Variants in DAB1 observed in about 807,000 individuals in gnomAD.
The protein encoded by DAB1 is DAB adaptor protein 1.
Under a neutral mutation model 64.6 loss-of-function variants are expected in DAB1, and 15 were observed. The ratio of observed to expected loss-of-function variants is 0.23; its 90% CI spans 0.16 to 0.36. The LOEUF (loss-of-function observed/expected upper bound fraction) is 0.36. DAB1 is among the 10% of genes least tolerant of loss of function. The probability of loss-of-function intolerance (pLI) is 1.00; values close to 1 mark genes in which losing one functional copy is unlikely to be tolerated. For missense variants in DAB1, 596 were observed against 706.7 expected (o/e 0.84, Z 1.78); for synonymous variants, 235 against 251.9 (o/e 0.93, Z 0.64).
intron 3 of DAB1, among the ~76,000 whole-genome samples, chr1:58,408,346 A>G (rs1644636961): frequency 6.6e-6 from 1 of 152,196 alleles, no homozygotes; most frequent in Non-Finnish European, 1.5e-5. Flanking sequence ...TTCCCTGAAC[A>G]TTCTGTCTAG....
intron 5 of DAB1, among the ~76,000 whole-genome samples, chr1:57,970,277 G>T (rs931609576): frequency 6.6e-6 from 1 of 152,142 alleles, no homozygotes; most frequent in Non-Finnish European, 1.5e-5. Flanking sequence ...AAGAAAAATG[G>T]ATCTCACCTA....
chr1:58,463,111 C>T (rs974790743), intron 3 of DAB1, among the ~76,000 whole-genome samples: 3 of 152,190 alleles, frequency 2.0e-5, no homozygotes, highest in African/African-American at 7.2e-5. Flanking sequence ...AGTCTAAGAA[C>T]AGTGTATTCC....
upstream of DAB1, among the ~76,000 whole-genome samples, chr1:57,886,935 G>A (rs1197778417): frequency 1.3e-5 from 2 of 152,150 alleles, no homozygotes; most frequent in African/African-American, 4.8e-5. Context: ...GTTGGCAAAT[G>A]GTAAGTTTGG....
intron 4 of DAB1, among the ~76,000 whole-genome samples, chr1:58,209,845 T>C (rs1008510187): frequency 2.6e-5 from 4 of 152,124 alleles, no homozygotes; most frequent in Admixed American, 2.6e-4. Flanking sequence ...GATAAAAAAT[T>C]GATATGCAGA....
chr1:58,286,294 C>A (rs1661680579), intron 4 of DAB1, among the ~76,000 whole-genome samples: 1 of 152,066 alleles, frequency 6.6e-6, no homozygotes. Flanking sequence ...GCAATTGCAA[C>A]AAAAGCAAAA....
chr1:58,458,668 G>A (rs1569827032), intron 3 of DAB1, among the ~76,000 whole-genome samples: 1 of 152,152 alleles, frequency 6.6e-6, no homozygotes, highest in South Asian at 2.1e-4. Flanking sequence ...GCTGGGCATG[G>A]TGGTGCATGC....
chr1:58,478,442 C>A (rs1023051157), intron 3 of DAB1, among the ~76,000 whole-genome samples: 2 of 152,108 alleles, frequency 1.3e-5, no homozygotes, highest in African/African-American at 4.8e-5. Flanking sequence ...CAGCTCTAGA[C>A]TTTGTGTTAA....
chr1:58,332,362 T>C (rs534128237), intron 4 of DAB1, among the ~76,000 whole-genome samples: 1 of 152,290 alleles, frequency 6.6e-6, no homozygotes, highest in Non-Finnish European at 1.5e-5. Flanking sequence ...GTTTCCTTCT[T>C]CAGGCAGCGT....
intron 7 of DAB1, among the ~76,000 whole-genome samples, chr1:57,630,079 T>C (rs1645970012): frequency 3.9e-5 from 6 of 152,166 alleles, no homozygotes. Context: ...GCTTTGATAA[T>C]GGCATAGCAG....
rs1208063635 is a variant in DAB1, at chr1:58,494,644, T to C, written n.257+11416A>G. On this transcript the variant is annotated intron_variant and non_coding_transcript_variant, in intron 3 of 20. Transcript: ENST00000485760. ...GACACTTCTCAAAAGAAGACATTTATGCAGCCAAAAGACACATGAAAAAAT... is the reference window on the plus strand; with the variant it reads ...GACACTTCTCAAAAGAAGACATTTACGCAGCCAAAAGACACATGAAAAAAT... Among the ~76,000 whole-genome samples the C allele has an allele frequency of 2.3e-3, 353 of 152,168 alleles. 2 individuals carry two copies. Among genetic ancestry groups the C allele is most frequent in the African/African-American group, 7.9e-3 (327 of 41,504 alleles).
chr1:58,170,344 T>C (rs78219122), intron 4 of DAB1, among the ~76,000 whole-genome samples: 1 of 152,130 alleles, frequency 6.6e-6, no homozygotes, highest in African/African-American at 2.4e-5. Context: ...CGAGCAGCTA[T>C]GGGAGGCCTT....
intron 6 of DAB1, among the ~76,000 whole-genome samples, chr1:57,657,687 T>C (rs1013297056): frequency 6.6e-6 from 1 of 152,224 alleles, no homozygotes. Context: ...CTTTAGAATA[T>C]GGAGACCCTT....
At chr1:58,475,477 A>C (rs993664566) in intron 3 of DAB1, among the ~76,000 whole-genome samples, 34 of 148,140 alleles carry the variant, frequency 2.3e-4, no homozygotes, top group African/African-American at 7.7e-4. Context: ...AGGTTAATTA[A>C]ACACACACAC....
At chr1:57,307,839 A>G (rs981444964) in intron 1 of DAB1, among the ~76,000 whole-genome samples, 6 of 151,792 alleles carry the variant, frequency 4.0e-5, no homozygotes, top group African/African-American at 1.5e-4. Flanking sequence ...TTCAATCTAG[A>G]CCACACCTCC....
At chr1:57,456,328 C>T (rs1170358873) in intron 7 of DAB1, among the ~76,000 whole-genome samples, 2 of 152,094 alleles carry the variant, frequency 1.3e-5, no homozygotes, top group Non-Finnish European at 2.9e-5. Context: ...TATTCAAAAG[C>T]ACAGCATCTC....
chr1:58,377,597 C>G (rs961944666), intron 3 of DAB1, among the ~76,000 whole-genome samples: 1 of 137,436 alleles, frequency 7.3e-6, no homozygotes, highest in Non-Finnish European at 1.6e-5. Flanking sequence ...ACCTTTCTCT[C>G]TAGCTGCCCT....
intron 7 of DAB1, among the ~76,000 whole-genome samples, chr1:57,434,021 T>C (rs1303559679): frequency 1.3e-5 from 2 of 152,126 alleles, no homozygotes; most frequent in Non-Finnish European, 2.9e-5. Flanking sequence ...ATGTGGAGCT[T>C]TTTATACAAT....
chr1:58,015,496 T>C (rs1451602819), intron 5 of DAB1, among the ~76,000 whole-genome samples: 1 of 152,196 alleles, frequency 6.6e-6, no homozygotes, highest in Admixed American at 6.5e-5. Context: ...AAACATATTG[T>C]CTAGTCCAGC....
intron 4 of DAB1, among the ~76,000 whole-genome samples, chr1:58,206,230 C>T (rs1165185149): frequency 6.6e-6 from 1 of 152,150 alleles, no homozygotes; most frequent in Admixed American, 6.6e-5. Context: ...GGCGGGACAA[C>T]TCTAACTGGG....
Sources: allele counts gnomAD v4.1 joint callset (sites outside exome capture counted in the v4.1 genomes callset), GRCh38; gene constraint gnomAD v4.1.1; transcripts MANE v1.5; gene names NCBI Gene and HGNC (gene_info 2026-07-23, HGNC 2026-07-21).